Variants in SCN11A observed in about 807,000 individuals in gnomAD.
SCN11A encodes the protein sodium voltage-gated channel alpha subunit 11.
A neutral mutation model predicts 162.2 loss-of-function variants in SCN11A; 122 were observed. The observed-to-expected ratio is 0.75, with a 90% CI of 0.65 to 0.87. The LOEUF is 0.87. Ranked by LOEUF, SCN11A falls within the 40% of genes least tolerant of loss-of-function variation. The pLI, the probability that SCN11A is intolerant of heterozygous loss-of-function variation, is 0.00. For missense variants in SCN11A, 2,015 were observed against 2,181.6 expected, an observed-to-expected ratio of 0.92 and a Z score of 1.52; for synonymous variants, 758 against 751.5, an observed-to-expected ratio of 1.01 and a Z score of -0.14.
intron 7 of SCN11A, among the ~76,000 whole-genome samples, chr3:38,929,135 G>GCACACA (rs748169973): frequency 0.035 from 2,329 of 66,610 alleles, 27 homozygotes; most frequent in Non-Finnish European, 0.055. Context: ...GTCTGTGCAC[G>GCACACA]CACACACACA....
At chr3:38,853,314 T>C (rs1267514819) in intron 28 of SCN11A, among the ~76,000 whole-genome samples, 2 of 152,198 alleles carry the variant, frequency 1.3e-5, no homozygotes, top group Admixed American at 6.5e-5. Flanking sequence ...TCTTTTCTTG[T>C]TGTTGGCTCA....
intron 2 of SCN11A, among the ~76,000 whole-genome samples, chr3:39,029,385 T>C (rs2031686206): frequency 6.6e-6 from 1 of 152,266 alleles, no homozygotes; most frequent in Admixed American, 6.5e-5. Flanking sequence ...TACTATGAGA[T>C]GCCTGTACAT....
At chr3:38,929,962 G>T (rs1322734632) in intron 7 of SCN11A, among the ~76,000 whole-genome samples, 1 of 152,054 alleles carries the variant, frequency 6.6e-6, no homozygotes, top group African/African-American at 2.4e-5. Flanking sequence ...AAATTATCCA[G>T]TCTGTGGTAT....
intron 7 of SCN11A, among the ~76,000 whole-genome samples, chr3:38,930,480 C>T (rs894004374): frequency 7.9e-5 from 12 of 152,198 alleles, no homozygotes; most frequent in African/African-American, 2.9e-4. Context: ...TTTAAAAAGG[C>T]AACATCTTTT....
intron 28 of SCN11A, among the ~76,000 whole-genome samples, chr3:38,854,576 G>C (rs1208613423): frequency 6.6e-6 from 1 of 152,086 alleles, no homozygotes; most frequent in South Asian, 2.1e-4. Context: ...CCGCAGGAAC[G>C]TAACAGGAAA....
chr3:38,975,856 A>C (rs2066846653), intron 2 of SCN11A, among the ~76,000 whole-genome samples: 1 of 152,152 alleles, frequency 6.6e-6, no homozygotes, highest in Non-Finnish European at 1.5e-5. Context: ...TAATGGATAT[A>C]GAGTTTCAAT....
In SCN11A at chr3:38,950,310, G is replaced by A. The variant is rs2066592877; in HGVS notation, c.53C>T (p.Pro18Leu). 1 of 1,613,970 alleles carries A rather than the reference G, an allele frequency of 6.2e-7. No individual in the cohort carries two copies. Among genetic ancestry groups the A allele is most frequent in the African/African-American group, 1.3e-5 (1 of 74,992 alleles). ...VIFPDERNFR[P>L]FTSDSLAAIE... ...TGCAGCCAGAGAGTCGGAAGTGAAG[G>A]GGCGGAAATTCCGCTCATCTGGAAA... Residue 18 changes from proline (P) to leucine (L), a missense_variant, in exon 5 of 30, where the codon CCC becomes CTC. Pro to Leu is a moderately conservative substitution (Grantham distance 98). Transcript: ENST00000302328.
chr3:38,943,144 A>T (rs1465340029), intron 7 of SCN11A, among the ~76,000 whole-genome samples: 2 of 152,214 alleles, frequency 1.3e-5, no homozygotes, highest in Admixed American at 6.5e-5. Context: ...GAAAAAAAAA[A>T]TGTAGAAATA....
At chr3:38,905,872 C>T (rs2065784707) in intron 14 of SCN11A, among the ~76,000 whole-genome samples, 1 of 152,178 alleles carries the variant, frequency 6.6e-6, no homozygotes, top group African/African-American at 2.4e-5. Context: ...TCAAGCTGGG[C>T]CCAAGGGCTA....
At chr3:38,889,343 T>C (rs2126111796) in intron 19 of SCN11A, among the ~76,000 whole-genome samples, 1 of 150,364 alleles carries the variant, frequency 6.7e-6, no homozygotes, top group African/African-American at 2.4e-5. Context: ...GAGAATCGCT[T>C]GAACTCGGCA....
At chr3:38,863,984 G>A (rs1261257275) in intron 27 of SCN11A, among the ~76,000 whole-genome samples, 1 of 152,068 alleles carries the variant, frequency 6.6e-6, no homozygotes, top group Non-Finnish European at 1.5e-5. Flanking sequence ...AGCCATGGCT[G>A]GTCTTAGAAC....
rs2064758809 is a variant in SCN11A, at chr3:38,850,555, A to C, written c.4253T>G (p.Phe1418Cys). The C allele has an allele frequency of 6.2e-7, 1 of 1,613,872 alleles. No homozygotes were observed. Among genetic ancestry groups the C allele is most frequent in the Non-Finnish European group, 8.5e-7 (1 of 1,179,868 alleles). ...GGTGAAGTAGTATTGCCTCAAAGCAAAGATTTTGATGAGACATTCTAACGT... is the reference window on the plus strand; with the variant it reads ...GGTGAAGTAGTATTGCCTCAAAGCACAGATTTTGATGAGACATTCTAACGT... ...IFTLECLIKIFALRQYYFTNG... is the reference protein window; with the variant it reads ...IFTLECLIKICALRQYYFTNG... Residue 1418 changes from phenylalanine to cysteine, a missense_variant, in exon 29 of 30, where the codon TTT becomes TGT. Physicochemically the swap from Phe to Cys is radical, Grantham distance 205 (BLOSUM62 -2). Coordinates refer to ENST00000302328, the MANE Select transcript of SCN11A (RefSeq NM_001349253.2).
rs530874125 is a variant in SCN11A at position 38,993,652 on chromosome 3, CAAAG to C, written c.-279-33233_-279-33230del. Among the ~76,000 whole-genome samples the C allele has an allele frequency of 3.5e-3, 538 of 152,310 alleles. 4 individuals are homozygous for C. The highest frequency in any genetic ancestry group is 0.012 in the African/African-American group (496 of 41,562). On this transcript the variant is annotated intron_variant, in intron 2 of 29. Coordinates refer to ENST00000302328, the MANE Select transcript of SCN11A (RefSeq NM_001349253.2). ...TCTGAGATAGGAAAATCTACACATTCAAAGAAAGAAACACCCAAGCAGTCTTTTT... is the reference window on the plus strand; with the variant it reads ...TCTGAGATAGGAAAATCTACACATTCAAAGAAACACCCAAGCAGTCTTTTT...
chr3:39,012,288 G>A (rs1282172637), intron 2 of SCN11A, among the ~76,000 whole-genome samples: 4 of 152,074 alleles, frequency 2.6e-5, no homozygotes. Flanking sequence ...TTACGCCATT[G>A]CACTCCAGCC....
At chr3:39,034,111 G>A (rs1411212565) in intron 1 of SCN11A, among the ~76,000 whole-genome samples, 4 of 152,056 alleles carry the variant, frequency 2.6e-5, no homozygotes, top group Non-Finnish European at 5.9e-5. Flanking sequence ...GCAGTGAGCC[G>A]AGATCGCACC....
intron 2 of SCN11A, among the ~76,000 whole-genome samples, chr3:38,995,152 T>C (rs1050281437): frequency 4.0e-5 from 6 of 151,016 alleles, no homozygotes; most frequent in South Asian, 4.2e-4. Context: ...TTTTTTTGAG[T>C]TGGAGTCTCC....
At chr3:38,957,106 AC>A (rs2066691076) in intron 3 of SCN11A, among the ~76,000 whole-genome samples, 1 of 152,074 alleles carries the variant, frequency 6.6e-6, no homozygotes, top group Non-Finnish European at 1.5e-5. Context: ...AGTTAGAGAG[AC>A]CCCCTACAAA....
At chr3:38,926,582 A>G (rs2066144772) in intron 8 of SCN11A, among the ~76,000 whole-genome samples, 1 of 151,982 alleles carries the variant, frequency 6.6e-6, no homozygotes, top group African/African-American at 2.4e-5. Flanking sequence ...TGGCTGAAGG[A>G]ACACGAACTT....
At chr3:39,002,891 C>G (rs972783843) in intron 2 of SCN11A, among the ~76,000 whole-genome samples, 1 of 152,112 alleles carries the variant, frequency 6.6e-6, no homozygotes, top group Non-Finnish European at 1.5e-5. Flanking sequence ...TAAGTTCAGT[C>G]TAAATCAGCC....
Sources: gnomAD v4.1 joint callset for allele counts (sites outside exome capture counted in the v4.1 genomes callset) on GRCh38, gnomAD v4.1.1 for gene constraint, MANE v1.5 for transcripts, NCBI Gene and HGNC (gene_info 2026-07-23, HGNC 2026-07-21) for gene names.